Variants in SCFD2 observed in about 807,000 individuals in gnomAD.
SCFD2 encodes the protein sec1 family domain-containing protein 2.
A neutral mutation model predicts 58.9 loss-of-function variants in SCFD2; 54 were observed. That is an observed-to-expected ratio of 0.92 (90% confidence interval 0.74 to 1.15). SCFD2 has a LOEUF of 1.15. SCFD2 is among the 50% of genes most tolerant of loss of function. SCFD2 has a pLI of 0.00. For missense variants in SCFD2, 805 were observed against 836.6 expected (o/e 0.96, Z 0.47); for synonymous variants, 321 against 335.9 (o/e 0.96, Z 0.49).
At chr4:52,898,459 G>A (rs1257509493) in intron 7 of SCFD2, among the ~76,000 whole-genome samples, 4 of 152,160 alleles carry the variant, frequency 2.6e-5, no homozygotes, top group African/African-American at 2.4e-5. Flanking sequence ...GTAGCTGAGC[G>A]GTTTTGAGTG....
intron 4 of SCFD2, among the ~76,000 whole-genome samples, chr4:53,234,580 T>C (rs1729538210): frequency 6.6e-6 from 1 of 152,226 alleles, no homozygotes; most frequent in African/African-American, 2.4e-5. Context: ...ATGTTCTTTA[T>C]CTGGGACTTT....
chr4:53,115,771 A>G (rs1480918358), intron 5 of SCFD2, among the ~76,000 whole-genome samples: 4 of 152,214 alleles, frequency 2.6e-5, no homozygotes, highest in Non-Finnish European at 5.9e-5. Context: ...AAAGAAGACC[A>G]TAAAACTCTC....
chr4:53,183,738 T>C (rs776757321), intron 4 of SCFD2, among the ~76,000 whole-genome samples: 7 of 152,144 alleles, frequency 4.6e-5, no homozygotes, highest in Non-Finnish European at 1.0e-4. Flanking sequence ...GGAACCCTTA[T>C]GAAATCTTCC....
At chr4:53,209,244 T>C (rs1728529317) in intron 4 of SCFD2, among the ~76,000 whole-genome samples, 1 of 152,152 alleles carries the variant, frequency 6.6e-6, no homozygotes, top group Admixed American at 6.5e-5. Flanking sequence ...ACCTTAGTGC[T>C]TAATGCATCC....
intron 3 of SCFD2, among the ~76,000 whole-genome samples, chr4:53,305,817 G>T (rs760398506): frequency 1.6e-4 from 24 of 152,144 alleles, no homozygotes; most frequent in Non-Finnish European, 3.1e-4. Flanking sequence ...ACTGTAAACA[G>T]GTTCTAAGAC....
chr4:53,123,058 G>A (rs762778331), intron 5 of SCFD2, among the ~76,000 whole-genome samples: 7 of 152,058 alleles, frequency 4.6e-5, no homozygotes, highest in Non-Finnish European at 8.8e-5. Flanking sequence ...AATGGCTATT[G>A]AAGGACTACT....
At position 52,878,035 on chromosome 4, in the gene SCFD2, C is replaced by T. The variant is rs993342431; in HGVS notation, c.1963-3974G>A. Among the ~76,000 whole-genome samples the T allele has an allele frequency of 2.6e-5, 4 of 152,300 alleles. No individual in the cohort carries two copies. In the East Asian group the frequency reaches 7.7e-4, roughly 29 times the overall value. On this transcript the variant is annotated intron_variant, in intron 8 of 8. Transcript: ENST00000401642. ...GAGCTCCCCACTCTGCCCAAAGACC[C>T]CTCCTCCATTGCCCTTCAACAATCA...
At chr4:53,254,428 C>T (rs1730519515) in intron 4 of SCFD2, among the ~76,000 whole-genome samples, 1 of 152,140 alleles carries the variant, frequency 6.6e-6, no homozygotes, top group African/African-American at 2.4e-5. Context: ...TTTTAAGTTG[C>T]CTGAGGCCTC....
rs180943788 is a variant in SCFD2 at position 53,150,947 on chromosome 4, C to T, written c.1312-5365G>A. Among the ~76,000 whole-genome samples the T allele has an allele frequency of 1.8e-4, 28 of 152,272 alleles. No homozygotes were observed. The East Asian group carries it at 4.4e-3, about 24-fold the overall frequency. On this transcript the variant is annotated intron_variant, in intron 4 of 8. Coordinates refer to ENST00000401642, the MANE Select transcript of SCFD2 (RefSeq NM_152540.4). ...TAGGAATATATAATCATAGCTTTTG[C>T]TTTATCAGGTTGTTCTGAAGTTGTA...
At chr4:52,908,635 A>T (rs1326353244) in intron 6 of SCFD2, among the ~76,000 whole-genome samples, 1 of 152,176 alleles carries the variant, frequency 6.6e-6, no homozygotes, top group Non-Finnish European at 1.5e-5. Context: ...TACTGACCTC[A>T]TTCCTGGCTT....
intron 2 of SCFD2, among the ~76,000 whole-genome samples, chr4:53,319,624 C>T (rs1410007155): frequency 6.6e-6 from 1 of 151,920 alleles, no homozygotes; most frequent in Non-Finnish European, 1.5e-5. Flanking sequence ...CCTCCACCTT[C>T]GGGTTCCAGT....
At chr4:53,363,973 C>G (rs540685253) in intron 1 of SCFD2, among the ~76,000 whole-genome samples, 2 of 152,130 alleles carry the variant, frequency 1.3e-5, no homozygotes, top group Non-Finnish European at 2.9e-5. Context: ...TATGAAACAA[C>G]TTTGCTACAT....
intron 5 of SCFD2, among the ~76,000 whole-genome samples, chr4:53,107,347 T>C (rs1428854896): frequency 6.6e-6 from 1 of 152,200 alleles, no homozygotes; most frequent in Non-Finnish European, 1.5e-5. Context: ...GCTAGCATCA[T>C]AATGACAGGA....
chr4:53,154,922 C>T (rs1235072142), intron 4 of SCFD2, among the ~76,000 whole-genome samples: 1 of 152,190 alleles, frequency 6.6e-6, no homozygotes, highest in Non-Finnish European at 1.5e-5. Flanking sequence ...CCATGGAATG[C>T]AGGGGGCCTG....
At chr4:53,200,115 G>A (rs1331747300) in intron 4 of SCFD2, among the ~76,000 whole-genome samples, 1 of 151,994 alleles carries the variant, frequency 6.6e-6, no homozygotes, top group Non-Finnish European at 1.5e-5. Context: ...CAATCACATT[G>A]GAGGTTAGGA....
chr4:53,309,117 A>G (rs1732607381), intron 3 of SCFD2, among the ~76,000 whole-genome samples: 1 of 151,676 alleles, frequency 6.6e-6, no homozygotes, highest in Non-Finnish European at 1.5e-5. Flanking sequence ...TGGGCGACAG[A>G]GCAAGACTTC....
At chr4:52,874,121 T>G in intron 8 of SCFD2, 60 bp from the exon 9 acceptor site, 2 of 1,102,826 alleles carry the variant, frequency 1.8e-6, no homozygotes, top group Non-Finnish European at 2.8e-6. Flanking sequence ...CTCAGGGTAT[T>G]GGATGATGAG....
At chr4:53,060,006 G>A (rs1723458313) in intron 5 of SCFD2, among the ~76,000 whole-genome samples, 1 of 152,050 alleles carries the variant, frequency 6.6e-6, no homozygotes, top group African/African-American at 2.4e-5. Context: ...ACATTGAAAA[G>A]ATTCTTGGGC....
chr4:53,174,947 TTGC>T (rs1450676410), intron 4 of SCFD2, among the ~76,000 whole-genome samples: 1 of 103,428 alleles, frequency 9.7e-6, no homozygotes, highest in Non-Finnish European at 2.3e-5. Flanking sequence ...GATGACTGTT[TTGC>T]ATGTTTGTGA....
Sources: gnomAD v4.1 joint callset for allele counts (sites outside exome capture counted in the v4.1 genomes callset) on GRCh38, gnomAD v4.1.1 for gene constraint, MANE v1.5 for transcripts, NCBI Gene and HGNC (gene_info 2026-07-23, HGNC 2026-07-21) for gene names.